Variants in TMEM132D observed in about 807,000 individuals in gnomAD.
TMEM132D encodes transmembrane protein 132D, also known as mature OL transmembrane protein.
TMEM132D carries 21 observed loss-of-function variants against 62.3 expected under a neutral mutation model. The ratio of observed to expected loss-of-function variants is 0.34; its 90% CI spans 0.24 to 0.49. TMEM132D has a LOEUF of 0.49. Ranked by LOEUF, TMEM132D falls within the 20% of genes least tolerant of loss-of-function variation. The pLI, the probability that TMEM132D is intolerant of heterozygous loss-of-function variation, is 0.99. For synonymous variants in TMEM132D, 621 were observed against 575.6 expected (o/e 1.08, Z -1.13); for missense variants, 1,346 against 1,402.8 (o/e 0.96, Z 0.65).
At chr12:129,820,766 GT>G (rs1872522495) in intron 1 of TMEM132D, among the ~76,000 whole-genome samples, 1 of 152,150 alleles carries the variant, frequency 6.6e-6, no homozygotes, top group South Asian at 2.1e-4. Context: ...TTTATTATTT[GT>G]TTTTGGAGAT....
chr12:129,623,310 G>A (rs949887711), intron 2 of TMEM132D, among the ~76,000 whole-genome samples: 4 of 152,054 alleles, frequency 2.6e-5, no homozygotes, highest in Non-Finnish European at 5.9e-5. Flanking sequence ...AGCTTTAGGG[G>A]TACAGTGGTT....
At chr12:129,144,230 A>C (rs1294657415) in intron 5 of TMEM132D, among the ~76,000 whole-genome samples, 1 of 152,084 alleles carries the variant, frequency 6.6e-6, no homozygotes, top group Non-Finnish European at 1.5e-5. Context: ...AAATATACAC[A>C]AGGAATTATG....
intron 3 of TMEM132D, among the ~76,000 whole-genome samples, chr12:129,512,751 T>A (rs1032353922): frequency 1.3e-5 from 2 of 152,164 alleles, no homozygotes; most frequent in Admixed American, 6.5e-5. Flanking sequence ...CATATGGGCT[T>A]CTCTACTGGC....
chr12:129,111,187 T>C (rs989046957), intron 5 of TMEM132D: 1 of 152,200 alleles, frequency 6.6e-6, no homozygotes, highest in East Asian at 1.9e-4. Flanking sequence ...GAAAGATAAA[T>C]AGGGAAGCAA....
chr12:129,883,635 T>C (rs1476333609), intron 1 of TMEM132D, among the ~76,000 whole-genome samples: 3 of 152,216 alleles, frequency 2.0e-5, no homozygotes, highest in Non-Finnish European at 2.9e-5. Context: ...CATATCTGAT[T>C]AGCATTTCAA....
At chr12:129,647,399 A>G (rs574372274) in intron 2 of TMEM132D, among the ~76,000 whole-genome samples, 2 of 152,064 alleles carry the variant, frequency 1.3e-5, no homozygotes, top group Non-Finnish European at 2.9e-5. Flanking sequence ...AGCCTTCCTC[A>G]CGACAATCAG....
intron 3 of TMEM132D, among the ~76,000 whole-genome samples, chr12:129,470,586 C>T (rs1874065802): frequency 6.6e-6 from 1 of 152,130 alleles, no homozygotes; most frequent in South Asian, 2.1e-4. Context: ...AATAAAGTGG[C>T]TGTATTGGTG....
intron 3 of TMEM132D, among the ~76,000 whole-genome samples, chr12:129,441,082 G>T (rs1216610326): frequency 6.6e-6 from 1 of 152,146 alleles, no homozygotes; most frequent in Non-Finnish European, 1.5e-5. Flanking sequence ...TTCAATAGAG[G>T]GAATTTAATC....
chr12:129,249,901 G>T (rs1425037875), intron 4 of TMEM132D, among the ~76,000 whole-genome samples: 4 of 152,128 alleles, frequency 2.6e-5, no homozygotes. Flanking sequence ...TGTTAGCAGG[G>T]TGTGACAAGG....
intron 1 of TMEM132D, among the ~76,000 whole-genome samples, chr12:129,778,254 C>G (rs1871010082): frequency 6.6e-6 from 1 of 151,792 alleles, no homozygotes; most frequent in Non-Finnish European, 1.5e-5. Flanking sequence ...AAATTGCCCC[C>G]TTTAAATTTC....
At chr12:129,818,283 C>T (rs111205225) in intron 1 of TMEM132D, among the ~76,000 whole-genome samples, 13,987 of 102,188 alleles carry the variant, frequency 0.14, 762 homozygotes, top group East Asian at 0.24. Flanking sequence ...TGTGTGTGTG[C>T]GGTGTGGGGT....
chr12:129,171,892 G>A (rs532587390), intron 5 of TMEM132D, among the ~76,000 whole-genome samples: 68 of 152,250 alleles, frequency 4.5e-4, no homozygotes, highest in African/African-American at 1.5e-3. Context: ...TAGGATTTGG[G>A]GAATGCTAAA....
At chr12:129,514,971 G>A (rs1875629886) in intron 3 of TMEM132D, among the ~76,000 whole-genome samples, 1 of 152,260 alleles carries the variant, frequency 6.6e-6, no homozygotes, top group South Asian at 2.1e-4. Flanking sequence ...TTGCTCTTTA[G>A]TCATTCAGAG....
At chr12:129,716,676 G>A (rs1012228789) in intron 1 of TMEM132D, among the ~76,000 whole-genome samples, 1 of 152,096 alleles carries the variant, frequency 6.6e-6, no homozygotes, top group African/African-American at 2.4e-5. Flanking sequence ...GACTAAGTCA[G>A]GAAAATAAAA....
chr12:129,289,466 C>T (rs1881387089), intron 4 of TMEM132D, among the ~76,000 whole-genome samples: 2 of 149,984 alleles, frequency 1.3e-5, no homozygotes, highest in African/African-American at 2.5e-5. Context: ...ATCACTTGAA[C>T]CTGGGAGGTG....
In TMEM132D at chr12:129,700,201, C is replaced by A. The variant is rs1456546378; in HGVS notation, c.577G>T (p.Val193Leu). The change falls in exon 2 of 9, where the codon GTG becomes TTG. Residue 193 changes from valine (V) to leucine (L), a missense_variant. By Grantham distance (32) the Val-to-Leu change is conservative. Transcript: ENST00000422113. Reference protein sequence around the residue: ...CRLQGDLGLCVAELELLSSWF... With the variant: ...CRLQGDLGLCLAELELLSSWF... ...CTGGACAGGAGCTCCAGCTCGGCCA[C>A]GCACAGCCCCAGGTCCCCCTGCAGC... The A allele has an allele frequency of 6.2e-7, 1 of 1,612,836 alleles. No individual in the cohort carries two copies. Among genetic ancestry groups the A allele is most frequent in the Admixed American group, 1.7e-5 (1 of 60,014 alleles).
At chr12:129,619,563 C>A (rs1275687469) in intron 2 of TMEM132D, among the ~76,000 whole-genome samples, 1 of 152,224 alleles carries the variant, frequency 6.6e-6, no homozygotes, top group Non-Finnish European at 1.5e-5. Context: ...CCCCCAGCCC[C>A]ACCACCCATT....
chr12:129,356,147 ATTTTTT>A (rs35842499), intron 3 of TMEM132D, among the ~76,000 whole-genome samples: 551 of 36,502 alleles, frequency 0.015, 47 homozygotes, highest in South Asian at 0.11. Context: ...AACTGAAGGG[ATTTTTT>A]TTTTTTTTTT....
intron 5 of TMEM132D, among the ~76,000 whole-genome samples, chr12:129,182,417 G>T (rs567475420): frequency 6.6e-6 from 1 of 152,334 alleles, no homozygotes; most frequent in South Asian, 2.1e-4. Context: ...GCTTCACCCT[G>T]CAACCAGAAC....
Sources: gnomAD v4.1 joint callset for allele counts (sites outside exome capture counted in the v4.1 genomes callset) on GRCh38, gnomAD v4.1.1 for gene constraint, MANE v1.5 for transcripts, NCBI Gene and HGNC (gene_info 2026-07-23, HGNC 2026-07-21) for gene names.